The following CD109 variants were observed in gnomAD, a reference collection of about 807,000 sequenced individuals.
CD109 encodes CD109 molecule.
A neutral mutation model predicts 165.8 loss-of-function variants in CD109; 149 were observed. That is an observed-to-expected ratio of 0.90 (90% CI 0.79 to 1.03). The LOEUF is 1.03. Among genes scored for constraint, CD109 ranks in the 50% least tolerant of loss-of-function variants. The probability of loss-of-function intolerance (pLI) is 0.00; values close to 1 mark genes in which losing one functional copy is unlikely to be tolerated. For missense variants in CD109, 1,712 were observed against 1,677.8 expected (o/e 1.02, Z -0.36); for synonymous variants, 585 against 592.1 (o/e 0.99, Z 0.18).
chr6:73,796,215 A>G (rs1163487892), intron 23 of CD109, among the ~76,000 whole-genome samples: 1 of 152,304 alleles, frequency 6.6e-6, no homozygotes, highest in African/African-American at 2.4e-5. Flanking sequence ...GAAAATGTCA[A>G]GATCCTGTCA....
intron 5 of CD109, among the ~76,000 whole-genome samples, chr6:73,744,057 A>C (rs9442955): frequency 6.6e-6 from 1 of 151,996 alleles, no homozygotes; most frequent in Non-Finnish European, 1.5e-5. Context: ...TAAGATATAT[A>C]TGTAAAATTT....
At chr6:73,702,219 T>G (rs1167742138) in intron 2 of CD109, among the ~76,000 whole-genome samples, 1 of 152,220 alleles carries the variant, frequency 6.6e-6, no homozygotes, top group African/African-American at 2.4e-5. Flanking sequence ...CTTTGTTGTC[T>G]TTCTCACATT....
intron 5 of CD109, among the ~76,000 whole-genome samples, chr6:73,743,452 C>G (rs1772866965): frequency 6.6e-6 from 1 of 152,208 alleles, no homozygotes; most frequent in African/African-American, 2.4e-5. Context: ...TTCTTTGCAT[C>G]TAACAGTTAT....
intron 5 of CD109, among the ~76,000 whole-genome samples, chr6:73,751,323 G>A (rs956627107): frequency 3.3e-5 from 5 of 151,984 alleles, no homozygotes; most frequent in Admixed American, 6.6e-5. Flanking sequence ...TTGTGGGGAG[G>A]TCTTTCATCC....
chr6:73,715,583 AG>A (rs1236802848), intron 2 of CD109, among the ~76,000 whole-genome samples: 6 of 150,274 alleles, frequency 4.0e-5, no homozygotes, highest in Admixed American at 1.3e-4. Context: ...AAAAAAAAAA[AG>A]GTATGTATAA....
chr6:73,788,634 A>T lies in CD109; in HGVS notation c.2701+22A>T, dbSNP rs780098559. On this transcript the variant is annotated intron_variant, in intron 22 of 32. Coordinates refer to ENST00000287097, the MANE Select transcript of CD109 (RefSeq NM_133493.5). ...ATTGGTAAGAATAGAGTATATCACC[A>T]TCTATTGGTTTAATTGTATATGATC... 4 of 1,579,080 alleles carry T rather than the reference A, an allele frequency of 2.5e-6. No individual in the cohort carries two copies. The African/African-American group carries it at 5.4e-5, about 21-fold the overall frequency.
At chr6:73,770,039 A>G (rs1316658966) in intron 14 of CD109, among the ~76,000 whole-genome samples, 5 of 152,224 alleles carry the variant, frequency 3.3e-5, no homozygotes, top group African/African-American at 1.2e-4. Context: ...GCTGGAGGAC[A>G]TTGTTGGGAG....
intron 21 of CD109, among the ~76,000 whole-genome samples, chr6:73,788,210 A>G (rs530249105): frequency 2.6e-5 from 4 of 152,376 alleles, no homozygotes; most frequent in Admixed American, 2.6e-4. Flanking sequence ...GAAAATCTAA[A>G]AGGAAAAATT....
intron 23 of CD109, among the ~76,000 whole-genome samples, chr6:73,800,015 C>T (rs1466854335): frequency 6.6e-6 from 1 of 151,890 alleles, no homozygotes; most frequent in Non-Finnish European, 1.5e-5. Context: ...TGCCACCATG[C>T]TAATTTTTTT....
At chr6:73,713,813 C>T (rs1193887683) in intron 2 of CD109, among the ~76,000 whole-genome samples, 1 of 152,192 alleles carries the variant, frequency 6.6e-6, no homozygotes, top group Non-Finnish European at 1.5e-5. Context: ...GAATGCTTGG[C>T]CTCCAATTAG....
chr6:73,814,729 T>C (rs1423070401), intron 29 of CD109, among the ~76,000 whole-genome samples: 1 of 152,162 alleles, frequency 6.6e-6, no homozygotes, highest in African/African-American at 2.4e-5. Context: ...ATATCACCCA[T>C]AGTGTTTTAT....
At chr6:73,787,598 T>G (rs1774746153) in intron 21 of CD109, 146 bp downstream of exon 21, 3 of 604,922 alleles carry the variant, frequency 5.0e-6, no homozygotes, top group African/African-American at 3.7e-5. Context: ...CTTTCTAATC[T>G]GTATGTAAAA....
rs576588612 is a variant in CD109 at position 73,814,977 on chromosome 6, A to G, written c.3769-4A>G. 16 of 1,480,892 alleles carry G rather than the reference A, an allele frequency of 1.1e-5. No homozygotes were observed. In the South Asian group the frequency reaches 2.2e-4, roughly 21 times the overall value. 91.7% of individuals were successfully genotyped at this position (1,480,892 alleles called of 1,614,324 possible). On this transcript the variant is annotated splice_region_variant and splice_polypyrimidine_tract_variant and intron_variant, in intron 29 of 32. Transcript: ENST00000287097. ...TGTTATTTATGCTAGTTTATTTTTT[A>G]CAGCTCAATGTTGTATATAATGTGA...
Position 73,773,153 on chromosome 6 carries a change from TGC to T in CD109, c.1827+1575_1827+1576del, listed in dbSNP as rs1488619934. ...TACACACACACCCCATCTGATGTGC[TGC>T]GCACTCTGTCTCTATTTACATTTAT... On this transcript the variant is annotated intron_variant, in intron 15 of 32. Transcript: ENST00000287097. Among the ~76,000 whole-genome samples the T allele has an allele frequency of 1.1e-3, 162 of 151,094 alleles. 1 individual carries two copies. Among genetic ancestry groups the T allele is most frequent in the African/African-American group, 3.8e-3 (156 of 41,358 alleles).
intron 18 of CD109, 78 bp from the exon 19 acceptor site, chr6:73,783,629 G>A (rs1774583533): frequency 1.2e-6 from 1 of 832,750 alleles, no homozygotes; most frequent in Non-Finnish European, 2.0e-6. Context: ...TCCAAAAATA[G>A]TTTAGATTAT....
chr6:73,730,675 C>A, intron 4 of CD109, 101 bp downstream of exon 4: 1 of 741,634 alleles, frequency 1.3e-6, no homozygotes, highest in African/African-American at 1.8e-5. Context: ...TTTTAGAATT[C>A]ACCTAAGATA....
chr6:73,808,055 G>C, intron 25 of CD109, 28 bp from the exon 26 acceptor site: 7 of 1,604,452 alleles, frequency 4.4e-6, no homozygotes, highest in Non-Finnish European at 6.0e-6. Context: ...ACTCTGAATA[G>C]TAAAAAACAT....
chr6:73,808,805 GGTGTGTGTGTGTGTGTGTGTGT>G (rs10552233), intron 26 of CD109, among the ~76,000 whole-genome samples: 1 of 145,982 alleles, frequency 6.9e-6, no homozygotes, highest in East Asian at 2.0e-4. Flanking sequence ...CAGGGATCCA[GGTGTGTGTGTGTGTGTGTGTGT>G]GTGTGTGTGT....
rs1263757144 is a variant in CD109, at chr6:73,803,336, A to G, written c.2960+35A>G. 7.2e-6 allele frequency: 11 copies of G among 1,524,678 alleles called. No individual in the cohort carries two copies. In the African/African-American group the frequency reaches 8.2e-5, roughly 11 times the overall value. 94.4% of individuals were successfully genotyped at this position (1,524,678 alleles called of 1,614,324 possible). ...TTTGCCAACTGAACAAATCCGTGTC[A>G]TGGAATGGGCTTTCACTAGGTCACA... On this transcript the variant is annotated intron_variant, in intron 24 of 32. Transcript: ENST00000287097.
Sources: gnomAD v4.1 joint callset for allele counts (sites outside exome capture counted in the v4.1 genomes callset) on GRCh38, gnomAD v4.1.1 for gene constraint, MANE v1.5 for transcripts, NCBI Gene and HGNC (gene_info 2026-07-23, HGNC 2026-07-21) for gene names.